The following NCOR1 variants were observed in gnomAD, a reference collection of about 807,000 sequenced individuals.
The protein encoded by NCOR1 is nuclear receptor corepressor 1.
NCOR1 carries 63 observed loss-of-function variants against 288.1 expected under a neutral mutation model. That is an observed-to-expected ratio of 0.22 (90% CI 0.18 to 0.27). The LOEUF is 0.27. Among genes scored for constraint, NCOR1 ranks in the 10% least tolerant of loss-of-function variants. The pLI, the probability that NCOR1 is intolerant of heterozygous loss-of-function variation, is 1.00. For synonymous variants in NCOR1, 1,007 were observed against 1,065.9 expected, an observed-to-expected ratio of 0.94 and a Z score of 1.08; for missense variants, 2,397 against 3,019.2, an observed-to-expected ratio of 0.79 and a Z score of 4.83.
chr17:16,152,152 T>G (rs2078965824), intron 7 of NCOR1, among the ~76,000 whole-genome samples, 154 bp from the exon 8 acceptor site: 1 of 152,162 alleles, frequency 6.6e-6, no homozygotes, highest in Admixed American at 6.5e-5. Flanking sequence ...ATTTTTTTAT[T>G]TACTTATTTT....
chr17:16,078,150 C>A (rs2062830681), intron 26 of NCOR1, among the ~76,000 whole-genome samples: 2 of 152,168 alleles, frequency 1.3e-5, no homozygotes, highest in South Asian at 4.1e-4. Flanking sequence ...ATACGTAGAG[C>A]ATTTTGCAAG....
At chr17:16,114,143 C>CAAAAAAAAAAA (rs71353770) in intron 18 of NCOR1, among the ~76,000 whole-genome samples, 3 of 17,732 alleles carry the variant, frequency 1.7e-4, no homozygotes, top group Non-Finnish European at 2.5e-4. Context: ...TGGCGGCAGG[C>CAAAAAAAAAAA]AAAAAAAAAA....
chr17:16,139,265 G>T, intron 11 of NCOR1, 79 bp from the exon 12 acceptor site: 1 of 1,219,062 alleles, frequency 8.2e-7, no homozygotes, highest in South Asian at 1.5e-5. Flanking sequence ...TGCTCTTAAT[G>T]TGCACTAAAA....
At chr17:16,104,485 T>A (rs1270323635) in intron 19 of NCOR1, among the ~76,000 whole-genome samples, 2 of 152,200 alleles carry the variant, frequency 1.3e-5, no homozygotes, top group East Asian at 3.8e-4. Flanking sequence ...AAATATGTGA[T>A]ATAGGCTGAG....
At chr17:16,137,984 CTGTGT>C (rs2076662340) in intron 13 of NCOR1, 169 bp downstream of exon 13, 1 of 538,620 alleles carries the variant, frequency 1.9e-6, no homozygotes, top group African/African-American at 2.0e-5. Flanking sequence ...GTTCTGTGTT[CTGTGT>C]TACGATTTCT....
chr17:16,066,032 A>T (rs1050052428), intron 32 of NCOR1: 2 of 330,462 alleles, frequency 6.1e-6, no homozygotes, highest in Non-Finnish European at 5.8e-6. Context: ...TATAGTACTG[A>T]TCATCCAGTA....
Position 16,086,328 on chromosome 17 carries a change from A to G in NCOR1, c.3131T>C (p.Val1044Ala). The stretch of plus-strand genomic sequence containing the variant: ...TATAAAAGATGGTTTTTCTGAAGCC[A>G]CTGTGGTTTTGGATGACGGGATGAG... ...PPLIPSSKTTVASEKPSFIMG... is the reference protein window; with the variant it reads ...PPLIPSSKTTAASEKPSFIMG... Residue 1044 changes from valine (V) to alanine (A), a missense_variant, in exon 23 of 46, where the codon GTG (valine) becomes GCG (alanine). Transcript: ENST00000268712. 6.2e-7 allele frequency: 1 copy of G among 1,614,148 alleles called. No homozygotes were observed. Among genetic ancestry groups the G allele is most frequent in the Non-Finnish European group, 8.5e-7 (1 of 1,180,000 alleles).
At chr17:16,110,678 C>T (rs1461463832) in intron 18 of NCOR1, among the ~76,000 whole-genome samples, 1 of 152,228 alleles carries the variant, frequency 6.6e-6, no homozygotes, top group Non-Finnish European at 1.5e-5. Context: ...CAGCCTCTCC[C>T]AGTGAGACTC....
chr17:16,047,440 T>A (rs988482376), intron 41 of NCOR1, among the ~76,000 whole-genome samples: 1 of 152,226 alleles, frequency 6.6e-6, no homozygotes. Flanking sequence ...CACTGATATA[T>A]TAATGGTTAC....
chr17:16,177,575 T>TAAATAC (rs2084464825), intron 3 of NCOR1, among the ~76,000 whole-genome samples: 1 of 152,164 alleles, frequency 6.6e-6, no homozygotes, highest in South Asian at 2.1e-4. Flanking sequence ...TATGGCTTTC[T>TAAATAC]AAATACTGTT....
rs753533227 is a variant in NCOR1, at chr17:16,039,520, T to C, written c.6868A>G (p.Met2290Val). 3 of 1,614,074 alleles carry C rather than the reference T, an allele frequency of 1.9e-6. No individual in the cohort carries two copies. The highest frequency in any genetic ancestry group is 2.2e-5 in the East Asian group (1 of 44,866). ...TTGGCAGTACCAGGCACTACTCCCA[T>C]AGGCTGGGACATGACAACTCCATGA... ...EDHGVVMSQPMGVVPGTANTS... is the reference protein window; with the variant it reads ...EDHGVVMSQPVGVVPGTANTS... Residue 2290 changes from methionine to valine, a missense_variant, in exon 44 of 46, where the codon ATG becomes GTG. Physicochemically the swap from Met to Val is conservative, Grantham distance 21. Around this residue, in one of 11 missense-constraint regions of NCOR1, gnomAD observed 1,872 missense variants for 2,187.8 expected, o/e 0.86. Transcript: ENST00000268712.
intron 44 of NCOR1, among the ~76,000 whole-genome samples, chr17:16,035,484 C>T (rs1489494772): frequency 6.6e-6 from 1 of 151,496 alleles, no homozygotes; most frequent in African/African-American, 2.4e-5. Context: ...CATGAGATTG[C>T]AGCAATTCAG....
In NCOR1 at chr17:16,086,418, A is replaced by C. The variant is rs756927959; in HGVS notation, c.3041T>G (p.Val1014Gly). The C allele has an allele frequency of 1.2e-6, 2 of 1,613,964 alleles. No homozygotes were observed. The highest frequency in any genetic ancestry group is 1.7e-6 in the Non-Finnish European group (2 of 1,179,970). ...WEVLQPAPHQ[V>G]ITNLPEGVRL... ...AACGCCTTCAGGGAGATTAGTTATC[A>C]CTTGATGTGGAGCAGGCTGAAGGAC... Residue 1014 changes from valine (V) to glycine (G), a missense_variant, in exon 23 of 46, where the codon GTG becomes GGG. Around this residue, in one of 11 missense-constraint regions of NCOR1, gnomAD observed 1,872 missense variants for 2,187.8 expected, o/e 0.86. Coordinates refer to ENST00000268712, the MANE Select transcript of NCOR1 (RefSeq NM_006311.4).
chr17:16,127,551 A>ATATGTGTATAT (rs1280598028), intron 14 of NCOR1, among the ~76,000 whole-genome samples: 10 of 139,364 alleles, frequency 7.2e-5, no homozygotes, highest in South Asian at 6.9e-4. Context: ...GTATATATAC[A>ATATGTGTATAT]CATGTGTATA....
intron 1 of NCOR1, among the ~76,000 whole-genome samples, chr17:16,204,407 G>A (rs2091240212): frequency 6.6e-6 from 1 of 152,114 alleles, no homozygotes. Flanking sequence ...AACCACTGAA[G>A]TATTAAATTA....
chr17:16,137,784 T>C (rs1301854663), intron 13 of NCOR1: 1 of 227,666 alleles, frequency 4.4e-6, no homozygotes, highest in African/African-American at 2.3e-5. Context: ...ATGGAATGAT[T>C]CACAAATTTG....
At chr17:16,202,132 G>A (rs1362930355) in intron 1 of NCOR1, among the ~76,000 whole-genome samples, 1 of 150,930 alleles carries the variant, frequency 6.6e-6, no homozygotes, top group Non-Finnish European at 1.5e-5. Flanking sequence ...GCTGGGGCAG[G>A]AGAATCGCTT....
At chr17:16,139,229 G>A (rs769446934) in intron 11 of NCOR1, 43 bp from the exon 12 acceptor site, 13 of 1,546,212 alleles carry the variant, frequency 8.4e-6, no homozygotes, top group South Asian at 1.2e-5. Context: ...ACATAAACTA[G>A]AAATTTAAGG....
chr17:16,044,714 G>C (rs544341098), intron 42 of NCOR1: 4 of 719,072 alleles, frequency 5.6e-6, no homozygotes, highest in African/African-American at 5.2e-5. Flanking sequence ...CAATGCCCTC[G>C]TTAAAGCAGC....
Sources: gnomAD v4.1 joint callset for allele counts (sites outside exome capture counted in the v4.1 genomes callset) on GRCh38, gnomAD v4.1.1 for gene constraint, gnomAD v4.1.1 regional missense constraint, MANE v1.5 for transcripts, NCBI Gene and HGNC (gene_info 2026-07-23, HGNC 2026-07-21) for gene names.